FOSL2: variants seen among roughly 807,000 people sequenced by gnomAD.
FOSL2 encodes fos-related antigen 2.
A neutral mutation model predicts 27.7 loss-of-function variants in FOSL2; 3 were observed. The ratio of observed to expected loss-of-function variants is 0.11; its 90% CI spans 0.05 to 0.28. The LOEUF (loss-of-function observed/expected upper bound fraction) is 0.28. FOSL2 is among the 10% of genes least tolerant of loss of function. FOSL2 has a pLI of 1.00. For synonymous variants in FOSL2, 179 were observed against 190.1 expected (o/e 0.94, Z 0.48); for missense variants, 333 against 445.1 (o/e 0.75, Z 2.27).
intron 1 of FOSL2, among the ~76,000 whole-genome samples, chr2:28,399,013 G>C (rs1247278363): frequency 6.6e-6 from 1 of 152,160 alleles, no homozygotes. Context: ...AATCTTCTAG[G>C]ATGTTGGAAT....
intron 2 of FOSL2, among the ~76,000 whole-genome samples, chr2:28,405,884 G>C (rs1664066272): frequency 6.6e-6 from 1 of 151,972 alleles, no homozygotes. Context: ...TTTATAAATA[G>C]GCTTCCTTCA....
At position 28,393,104 on chromosome 2, in the gene FOSL2, C is replaced by T; in HGVS notation, c.-617C>T. On this transcript the variant is annotated 5_prime_UTR_variant, in exon 1 of 4. Transcript: ENST00000264716. This position sits in a 1 kb window ranked among gnomAD's most constrained non-coding sequence, Gnocchi z 4.6. ...TACTTGAGCCCCACGAGCCGCTGTC[C>T]CCCTGGCGCGCTCGGGGCCGCGGGA... 2.6e-6 allele frequency: 1 copy of T among 388,000 alleles called. No homozygotes were observed. Among genetic ancestry groups the T allele is most frequent in the Non-Finnish European group, 4.6e-6 (1 of 217,920 alleles). The allele number at this position is 388,000 out of a possible 1,614,324, so 24.0% of individuals were successfully genotyped here.
At position 28,416,958 on chromosome 2, in the gene FOSL2, T is replaced by C. The variant is rs1664323528; in HGVS notation, c.*4510T>C. On this transcript the variant is annotated 3_prime_UTR_variant, in exon 4 of 4. Coordinates refer to ENST00000264716, the MANE Select transcript of FOSL2 (RefSeq NM_005253.4). ...ATTACCTTTCTGGGCACTTTTTTTT[T>C]TTTTTTTTTTTTAAGTAATGGTGAA... 1 of 151,188 alleles carries C rather than the reference T, an allele frequency of 6.6e-6. No individual in the cohort carries two copies. Among genetic ancestry groups the C allele is most frequent in the Admixed American group, 6.6e-5 (1 of 15,208 alleles). 9.4% of individuals were successfully genotyped at this position (151,188 alleles called of 1,614,324 possible).
In FOSL2 at chr2:28,416,284, C is replaced by T. The variant is rs1220739244; in HGVS notation, c.*3836C>T. The T allele has an allele frequency of 6.6e-5, 10 of 151,810 alleles. No individual in the cohort carries two copies. The East Asian group carries it at 1.5e-3, about 23-fold the overall frequency. 9.4% of individuals were successfully genotyped at this position (151,810 alleles called of 1,614,324 possible). A position where few individuals can be genotyped will look rare whatever the true frequency, so the allele number is the denominator to read the frequency against. On this transcript the variant is annotated 3_prime_UTR_variant, in exon 4 of 4. Coordinates refer to ENST00000264716, the MANE Select transcript of FOSL2 (RefSeq NM_005253.4). ...GGGGTTTAATTTATCCAATGCTTGACGACATGTTCAGGAGGGGCTGGATCA... is the reference window on the plus strand; with the variant it reads ...GGGGTTTAATTTATCCAATGCTTGATGACATGTTCAGGAGGGGCTGGATCA...
chr2:28,407,085 C>T (rs1664100366), intron 2 of FOSL2, among the ~76,000 whole-genome samples: 1 of 152,222 alleles, frequency 6.6e-6, no homozygotes, highest in Non-Finnish European at 1.5e-5. Flanking sequence ...CTAGGTCAGT[C>T]AGGAGGCCAA....
Position 28,404,081 on chromosome 2 carries a change from A to G in FOSL2, c.103-26A>G. On this transcript the variant is annotated intron_variant, in intron 1 of 3. Coordinates refer to ENST00000264716, the MANE Select transcript of FOSL2 (RefSeq NM_005253.4). This position sits in a 1 kb window ranked among gnomAD's most constrained non-coding sequence, Gnocchi z 4.7. ...TGTTCAGCTTAGTATTTATTGGCTCATTTGTATTTTTTTTCCTCATTTCAG... is the reference window on the plus strand; with the variant it reads ...TGTTCAGCTTAGTATTTATTGGCTCGTTTGTATTTTTTTTCCTCATTTCAG... 6.2e-7 allele frequency: 1 copy of G among 1,613,332 alleles called. No individual in the cohort carries two copies. Among genetic ancestry groups the G allele is most frequent in the Non-Finnish European group, 8.5e-7 (1 of 1,179,504 alleles).
Position 28,393,654 on chromosome 2 carries a change from T to TG in FOSL2, c.-66dup. 8.2e-7 allele frequency: 1 copy of TG among 1,224,224 alleles called. No homozygotes were observed. The highest frequency in any genetic ancestry group is 1.2e-6 in the Non-Finnish European group (1 of 860,406). The allele number at this position is 1,224,224 out of a possible 1,614,324, so 75.8% of individuals were successfully genotyped here. On this transcript the variant is annotated 5_prime_UTR_variant, in exon 1 of 4. Transcript: ENST00000264716. This position sits in a 1 kb window ranked among gnomAD's most constrained non-coding sequence, Gnocchi z 4.6. ...GGACGAACGAGCGCGCAGCAGCCGG[T>TG]GCGCGGCCGCGGCGAGGGCGGGGGA...
rs533891454 is a variant in FOSL2, at chr2:28,394,473, C to T, written c.102+651C>T. 627 of 153,214 alleles carry T rather than the reference C, an allele frequency of 4.1e-3. 3 individuals are homozygous for T. The highest frequency in any genetic ancestry group is 6.5e-3 in the Middle Eastern group (2 of 308). 9.5% of individuals were successfully genotyped at this position (153,214 alleles called of 1,614,324 possible). ...CCTGCCTGCCCCCCCGCCGACCCGT[C>T]TTCTGTAAGGATCACGGACAGGAGG... is the stretch of plus-strand genomic sequence containing the variant. On this transcript the variant is annotated intron_variant, in intron 1 of 3. Transcript: ENST00000264716.
In FOSL2 at chr2:28,404,381, G is replaced by A. The variant is rs1402900010; in HGVS notation, c.354+23G>A. 1 of 1,603,672 alleles carries A rather than the reference G, an allele frequency of 6.2e-7. No homozygotes were observed. Among genetic ancestry groups the A allele is most frequent in the Non-Finnish European group, 8.5e-7 (1 of 1,173,402 alleles). On this transcript the variant is annotated intron_variant, in intron 2 of 3. Coordinates refer to ENST00000264716, the MANE Select transcript of FOSL2 (RefSeq NM_005253.4). This position sits in a 1 kb window ranked among gnomAD's most constrained non-coding sequence, Gnocchi z 4.7. ...CAGGTACAGCTCAGACCAGTGGGAA[G>A]GAGCCACGTCAGTGGCTTTCAGAGC... is the stretch of plus-strand genomic sequence containing the variant.
chr2:28,392,965 A>G lies in FOSL2; in HGVS notation c.-756A>G. 4.6e-6 allele frequency: 3 copies of G among 649,962 alleles called. No individual in the cohort carries two copies. Among genetic ancestry groups the G allele is most frequent in the African/African-American group, 1.8e-5 (1 of 54,790 alleles). The allele number at this position is 649,962 out of a possible 1,614,324, so 40.3% of individuals were successfully genotyped here. ...AAGAGGGAGAGAGAGAGAGAGAGAG[A>G]GGGAGAGGCGCGGCCGGGCGAGGCG... On this transcript the variant is annotated 5_prime_UTR_variant, in exon 1 of 4. Coordinates refer to ENST00000264716, the MANE Select transcript of FOSL2 (RefSeq NM_005253.4).
intron 1 of FOSL2, among the ~76,000 whole-genome samples, chr2:28,402,643 CT>C (rs1205639910): frequency 2.0e-5 from 3 of 152,138 alleles, no homozygotes; most frequent in African/African-American, 4.8e-5. Context: ...GTGGTACCTT[CT>C]TTGTGAGAGG....
At chr2:28,399,418 A>G (rs1447009160) in intron 1 of FOSL2, among the ~76,000 whole-genome samples, 1 of 152,278 alleles carries the variant, frequency 6.6e-6, no homozygotes, top group South Asian at 2.1e-4. Context: ...CAAATCAGCA[A>G]CTGTTGTGGG....
rs939033853 is a variant in FOSL2, at chr2:28,404,555, C to T, written c.354+197C>T. Among the ~76,000 whole-genome samples the T allele has an allele frequency of 6.6e-6, 1 of 152,190 alleles. No individual in the cohort carries two copies. The highest frequency in any genetic ancestry group is 2.4e-5 in the African/African-American group (1 of 41,450). On this transcript the variant is annotated intron_variant, in intron 2 of 3. Transcript: ENST00000264716. The surrounding 1 kb of genome is among the most constrained non-coding windows in gnomAD (Gnocchi z 4.7). Reference sequence around the variant, plus strand: ...AAGACTCAGGCTGGCTCTGTCATCTCGCTTATGTCCCTTAGAATCTCTGAG... The same window carrying T: ...AAGACTCAGGCTGGCTCTGTCATCTTGCTTATGTCCCTTAGAATCTCTGAG...
chr2:28,394,692 TCTCTGTGTTTATAAATAC>T (rs1238736100), intron 1 of FOSL2: 3 of 152,208 alleles, frequency 2.0e-5, no homozygotes, highest in Non-Finnish European at 2.9e-5. Context: ...GTGCGTGTGA[TCTCTGTGTTTATAAATAC>T]CAGGAAGGTG....
At chr2:28,395,283 G>GTC (rs1290772733) in intron 1 of FOSL2, among the ~76,000 whole-genome samples, 1 of 152,150 alleles carries the variant, frequency 6.6e-6, no homozygotes, top group Non-Finnish European at 1.5e-5. Flanking sequence ...CACTCCCTCC[G>GTC]TCTCCCGTTC....
In FOSL2 at chr2:28,413,505, T is replaced by A. The variant is rs1001007465; in HGVS notation, c.*1057T>A. On this transcript the variant is annotated 3_prime_UTR_variant, in exon 4 of 4. Coordinates refer to ENST00000264716, the MANE Select transcript of FOSL2 (RefSeq NM_005253.4). ...GATTTAATGAGCGTGGGCCTGGACC[T>A]TCCCCAGATGCTGCCAGGCAGCCCC... The A allele has an allele frequency of 2.5e-5, 10 of 398,530 alleles. No individual in the cohort carries two copies. The highest frequency in any genetic ancestry group is 4.4e-5 in the Admixed American group (1 of 22,718). 24.7% of individuals were successfully genotyped at this position (398,530 alleles called of 1,614,324 possible).
intron 3 of FOSL2, 87 bp from the exon 4 acceptor site, chr2:28,411,843 T>C (rs1168742413): frequency 6.9e-7 from 1 of 1,449,582 alleles, no homozygotes; most frequent in Admixed American, 1.7e-5. Flanking sequence ...TCTCACAGTG[T>C]CTGAGAACAT....
At position 28,413,021 on chromosome 2, in the gene FOSL2, G is replaced by A. The variant is rs1349076662; in HGVS notation, c.*573G>A. 6.2e-6 allele frequency: 1 copy of A among 160,626 alleles called. No individual in the cohort carries two copies. The highest frequency in any genetic ancestry group is 1.4e-5 in the Non-Finnish European group (1 of 74,054). 10.0% of individuals were successfully genotyped at this position (160,626 alleles called of 1,614,324 possible). On this transcript the variant is annotated 3_prime_UTR_variant, in exon 4 of 4. Transcript: ENST00000264716. Reference sequence around the variant, plus strand: ...GCTGGGGCTGACTTGTCCAGAAGGGGACAAAGTGCAATACAGAGCCTTCCC... The same window carrying A: ...GCTGGGGCTGACTTGTCCAGAAGGGAACAAAGTGCAATACAGAGCCTTCCC...
chr2:28,396,803 C>CACACACACACACAA (rs1663847875), intron 1 of FOSL2: 2 of 147,368 alleles, frequency 1.4e-5, no homozygotes, highest in African/African-American at 5.0e-5. Context: ...CACACACACA[C>CACACACACACACAA]ACACACACAC....
Sources: gnomAD v4.1 joint callset for allele counts (sites outside exome capture counted in the v4.1 genomes callset) on GRCh38, gnomAD v4.1.1 for gene constraint, Gnocchi (gnomAD v3.1) non-coding constraint, MANE v1.5 for transcripts, NCBI Gene and HGNC (gene_info 2026-07-23, HGNC 2026-07-21) for gene names.